The following TEFM variants were observed in gnomAD, a reference collection of about 807,000 sequenced individuals.
The protein encoded by TEFM is transcription elongation factor, mitochondrial.
In TEFM, 14 loss-of-function variants were observed where a neutral mutation model predicts 23.0. The ratio of observed to expected loss-of-function variants is 0.61; its 90% confidence interval spans 0.40 to 0.95. TEFM has a LOEUF of 0.95. Among genes scored for constraint, TEFM ranks in the 40% least tolerant of loss-of-function variants. TEFM has a pLI of 0.00. For missense variants in TEFM, 386 were observed against 425.5 expected (o/e 0.91, Z 0.82); for synonymous variants, 155 against 158.3 (o/e 0.98, Z 0.16).
At chr17:30,900,049 C>T (rs1910004692) in intron 3 of TEFM, 1 of 329,202 alleles carries the variant, frequency 3.0e-6, no homozygotes, top group African/African-American at 2.1e-5. Flanking sequence ...GTGGTAATTC[C>T]TGACCATTAA....
In TEFM at chr17:30,904,147, A is replaced by G. The variant is rs768775901; in HGVS notation, c.414T>C (p.Thr138=). 1 of 1,614,160 alleles carries G rather than the reference A, an allele frequency of 6.2e-7. No individual in the cohort carries two copies. The highest frequency in any genetic ancestry group is 2.2e-5 in the East Asian group (1 of 44,888). ...QVCNSILCPK[T]GREKRKSPEN... is the part of the protein sequence containing the mutation. ...CCGGTGACTTTCTTTTTTCCCGTCC[A>G]GTCTTTGGACAAAGTATGGAGTTAC... The change falls in exon 2 of 4, where the codon ACT becomes ACC. Residue 138 remains threonine (T), a synonymous_variant. Coordinates refer to ENST00000581216, the MANE Select transcript of TEFM (RefSeq NM_024683.4).
At chr17:30,899,754 T>C in intron 3 of TEFM, 148 bp from the exon 4 acceptor site, 1 of 543,164 alleles carries the variant, frequency 1.8e-6, no homozygotes, top group East Asian at 3.3e-5. Flanking sequence ...AAAAGCCATT[T>C]TATGAGCAGT....
intron 2 of TEFM, among the ~76,000 whole-genome samples, chr17:30,902,162 C>T (rs1910059255): frequency 6.6e-6 from 1 of 152,156 alleles, no homozygotes; most frequent in African/African-American, 2.4e-5. Flanking sequence ...TCACCTTTCC[C>T]CAACATGGCT....
chr17:30,906,023 A>AT (rs1433758905), intron 1 of TEFM, 145 bp downstream of exon 1: 9 of 1,255,196 alleles, frequency 7.2e-6, no homozygotes, highest in Non-Finnish European at 1.1e-5. Flanking sequence ...GCCGTATTCC[A>AT]TTAGCCTCTA....
Position 30,904,219 on chromosome 17 carries a change from A to G in TEFM, c.342T>C (p.Ser114=). ...ACTTAAACAAGGGCACATTCATTAA[A>G]CTCTCTAAATTCTGAAATGGCCCAA... ...ENFGPFQNLE[S]LMNVPLFKYK... Residue 114 remains serine (S), a synonymous_variant, in exon 2 of 4, where the codon AGT becomes AGC. Transcript: ENST00000581216. 6.2e-7 allele frequency: 1 copy of G among 1,613,602 alleles called. No homozygotes were observed. The highest frequency in any genetic ancestry group is 8.5e-7 in the Non-Finnish European group (1 of 1,179,900).
intron 2 of TEFM, among the ~76,000 whole-genome samples, 196 bp from the exon 3 acceptor site, chr17:30,900,758 C>T (rs892153272): frequency 6.8e-5 from 10 of 146,748 alleles, no homozygotes; most frequent in South Asian, 2.2e-4. Context: ...CCCGCCACCA[C>T]GCCCGGCTAA....
At chr17:30,903,961 C>T (rs2142476381) in intron 2 of TEFM, 105 bp downstream of exon 2, 1 of 959,536 alleles carries the variant, frequency 1.0e-6, no homozygotes, top group South Asian at 1.8e-5. Context: ...GCCAACTAAA[C>T]CTGAAGAACC....
intron 2 of TEFM, among the ~76,000 whole-genome samples, chr17:30,902,749 G>A (rs762055582): frequency 3.7e-4 from 42 of 114,896 alleles, no homozygotes; most frequent in Non-Finnish European, 5.9e-4. Flanking sequence ...CTCAAAAAAC[G>A]GACCCACTGG....
At chr17:30,905,520 CAAAAA>C (rs35702969) in intron 1 of TEFM, among the ~76,000 whole-genome samples, 1 of 86,568 alleles carries the variant, frequency 1.2e-5, no homozygotes, top group Admixed American at 1.2e-4. Flanking sequence ...AACTCCGTCT[CAAAAA>C]AAAAAAAAAA....
In TEFM at chr17:30,903,517, C is replaced by CTT. The variant is rs397935118; in HGVS notation, c.495+547_495+548dup. 1.0e-2 allele frequency among the ~76,000 whole-genome samples: 1,295 copies of CTT among 129,908 alleles called. 25 individuals carry two copies. The highest frequency in any genetic ancestry group is 0.033 in the African/African-American group (1,207 of 36,118). 85.2% of individuals were successfully genotyped at this position (129,908 alleles called of 152,430 possible). A position where few individuals can be genotyped will look rare whatever the true frequency, so the allele number is the denominator to read the frequency against. On this transcript the variant is annotated intron_variant, in intron 2 of 3. Transcript: ENST00000581216. ...TGGGATTACAGGTGTGAGCCAGCCG[C>CTT]TTTTTTTTTTTTTTTTTAATCTTAC...
chr17:30,904,741 C>T (rs1910130079), intron 1 of TEFM, among the ~76,000 whole-genome samples: 1 of 150,936 alleles, frequency 6.6e-6, no homozygotes, highest in Admixed American at 6.6e-5. Context: ...GTGCAGTGGC[C>T]GATCTCGGCT....
At chr17:30,900,584 A>T in intron 2 of TEFM, 22 bp from the exon 3 acceptor site, 1 of 1,600,320 alleles carries the variant, frequency 6.2e-7, no homozygotes, top group South Asian at 1.1e-5. Flanking sequence ...GACTGATTTA[A>T]TTAGAAGTAT....
chr17:30,899,126 G>T lies in TEFM; in HGVS notation c.*43C>A. The T allele has an allele frequency of 6.9e-7, 1 of 1,459,314 alleles. No individual in the cohort carries two copies. Among genetic ancestry groups the T allele is most frequent in the Non-Finnish European group, 9.2e-7 (1 of 1,087,116 alleles). 90.4% of individuals were successfully genotyped at this position (1,459,314 alleles called of 1,614,324 possible). Reference sequence around the variant, plus strand: ...GGATGTTCACAACAGTTGGTGTTACGTTAGAGCTAATAATTATACTTTAGC... The same window carrying T: ...GGATGTTCACAACAGTTGGTGTTACTTTAGAGCTAATAATTATACTTTAGC... On this transcript the variant is annotated 3_prime_UTR_variant, in exon 4 of 4. Coordinates refer to ENST00000581216, the MANE Select transcript of TEFM (RefSeq NM_024683.4).
chr17:30,899,623 A>G lies in TEFM; in HGVS notation c.646-17T>C. 1 of 1,473,914 alleles carries G rather than the reference A, an allele frequency of 6.8e-7. No homozygotes were observed. The highest frequency in any genetic ancestry group is 9.1e-7 in the Non-Finnish European group (1 of 1,104,092). The allele number at this position is 1,473,914 out of a possible 1,614,324, so 91.3% of individuals were successfully genotyped here. A position where few individuals can be genotyped will look rare whatever the true frequency, so the allele number is the denominator to read the frequency against. ...CGAGGAAATCTTTTTAAAAAAAGAC[A>G]AAATAAAGGAACAGAAATAATTCAT... On this transcript the variant is annotated splice_polypyrimidine_tract_variant and intron_variant, in intron 3 of 3. Transcript: ENST00000581216.
intron 2 of TEFM, among the ~76,000 whole-genome samples, chr17:30,901,406 A>G (rs1910044425): frequency 6.6e-6 from 1 of 152,228 alleles, no homozygotes; most frequent in Non-Finnish European, 1.5e-5. Flanking sequence ...GTAGGCATTC[A>G]AACTCAAGTG....
At chr17:30,900,313 A>C in intron 3 of TEFM, 100 bp downstream of exon 3, 1 of 1,179,654 alleles carries the variant, frequency 8.5e-7, no homozygotes, top group Non-Finnish European at 1.2e-6. Flanking sequence ...ACCAGAAGAA[A>C]ACCCATCTTT....
Position 30,899,073 on chromosome 17 carries a change from C to T in TEFM, c.*96G>A. ...TCAGAATTTAAACATCTAAAATACA[C>T]TGAAAATGTGTTCTTTTCCAATAAC... On this transcript the variant is annotated 3_prime_UTR_variant, in exon 4 of 4. Transcript: ENST00000581216. 8.3e-7 allele frequency: 1 copy of T among 1,207,464 alleles called. No homozygotes were observed. The highest frequency in any genetic ancestry group is 1.1e-6 in the Non-Finnish European group (1 of 874,618). 74.8% of individuals were successfully genotyped at this position (1,207,464 alleles called of 1,614,324 possible).
chr17:30,905,303 C>A (rs943476597), intron 1 of TEFM, among the ~76,000 whole-genome samples: 1 of 152,034 alleles, frequency 6.6e-6, no homozygotes, highest in African/African-American at 2.4e-5. Flanking sequence ...GGCGGATCAC[C>A]TGAGGTCGGG....
intron 1 of TEFM, 57 bp from the exon 2 acceptor site, chr17:30,904,586 T>C (rs1250670695): frequency 7.6e-7 from 1 of 1,321,408 alleles, no homozygotes. Context: ...TTGGGGTTAG[T>C]TGCAAGCTTG....
Sources: gnomAD v4.1 joint callset for allele counts (sites outside exome capture counted in the v4.1 genomes callset) on GRCh38, gnomAD v4.1.1 for gene constraint, MANE v1.5 for transcripts, NCBI Gene and HGNC (gene_info 2026-07-23, HGNC 2026-07-21) for gene names.